Variants in SGPP2 observed in about 807,000 individuals in gnomAD.
SGPP2 encodes the protein sphingosine 1-phosphate phosphohydrolase 2.
A neutral mutation model predicts 33.9 loss-of-function variants in SGPP2; 30 were observed. The ratio of observed to expected loss-of-function variants is 0.89; its 90% confidence interval spans 0.66 to 1.20. The LOEUF (loss-of-function observed/expected upper bound fraction) is 1.20. SGPP2 is among the 50% of genes most tolerant of loss of function. The pLI is 0.00. For missense variants in SGPP2, 458 were observed against 532.1 expected (o/e 0.86, Z 1.37); for synonymous variants, 233 against 225.0 (o/e 1.04, Z -0.32).
At chr2:222,480,463 T>C (rs1343064271) in intron 2 of SGPP2, among the ~76,000 whole-genome samples, 1 of 152,240 alleles carries the variant, frequency 6.6e-6, no homozygotes, top group South Asian at 2.1e-4. Flanking sequence ...ACAGATACAA[T>C]AGAAGATGAA....
At chr2:222,424,512 G>A (rs1221864496), upstream of SGPP2, 5 of 929,886 alleles carry the variant, frequency 5.4e-6, no homozygotes, top group African/African-American at 7.1e-5. Flanking sequence ...CCGGAGTGCG[G>A]GATCGGCGGG....
intron 4 of SGPP2, among the ~76,000 whole-genome samples, chr2:222,541,433 C>A (rs1461014534): frequency 6.6e-6 from 1 of 152,088 alleles, no homozygotes; most frequent in East Asian, 1.9e-4. Context: ...TCTACAGTTC[C>A]TAATGGAATT....
intron 2 of SGPP2, among the ~76,000 whole-genome samples, chr2:222,500,372 G>C (rs1698349206): frequency 6.6e-6 from 1 of 152,148 alleles, no homozygotes; most frequent in Non-Finnish European, 1.5e-5. Flanking sequence ...CAGAAAAAAG[G>C]GAGGGAGCAA....
At chr2:222,500,255 G>A (rs961406247) in intron 2 of SGPP2, among the ~76,000 whole-genome samples, 8 of 151,898 alleles carry the variant, frequency 5.3e-5, no homozygotes, top group African/African-American at 1.9e-4. Flanking sequence ...GGGATGGAGG[G>A]GTGAGTGGGG....
At chr2:222,437,587 C>T (rs1028770206) in intron 1 of SGPP2, among the ~76,000 whole-genome samples, 6 of 152,168 alleles carry the variant, frequency 3.9e-5, no homozygotes, top group African/African-American at 1.4e-4. Context: ...GCCATTTCCT[C>T]ATGTAACTTA....
At chr2:222,437,106 T>C (rs1356758134) in intron 1 of SGPP2, among the ~76,000 whole-genome samples, 1 of 152,208 alleles carries the variant, frequency 6.6e-6, no homozygotes, top group Non-Finnish European at 1.5e-5. Flanking sequence ...AGGCCACCCA[T>C]TGGTGAGCAC....
chr2:222,487,797 CT>C (rs1234090662), intron 2 of SGPP2, among the ~76,000 whole-genome samples: 1 of 152,144 alleles, frequency 6.6e-6, no homozygotes, highest in Non-Finnish European at 1.5e-5. Flanking sequence ...TACAGAAAAT[CT>C]GCAACCGCTT....
chr2:222,553,858 CA>C (rs1689340944), intron 4 of SGPP2, among the ~76,000 whole-genome samples: 1 of 152,194 alleles, frequency 6.6e-6, no homozygotes, highest in Non-Finnish European at 1.5e-5. Context: ...CTGTCCCCCA[CA>C]AGAGAGGAGA....
At chr2:222,512,291 G>A (rs549704640) in intron 2 of SGPP2, among the ~76,000 whole-genome samples, 10 of 152,176 alleles carry the variant, frequency 6.6e-5, no homozygotes, top group Middle Eastern at 3.4e-3. Context: ...GATTACAGGC[G>A]TGAACCACCA....
At chr2:222,435,331 T>C (rs530105763) in intron 1 of SGPP2, among the ~76,000 whole-genome samples, 1 of 152,300 alleles carries the variant, frequency 6.6e-6, no homozygotes, top group East Asian at 1.9e-4. Flanking sequence ...GATTAGATTG[T>C]GCCCACTCAG....
chr2:222,462,012 G>A (rs1017385226), intron 1 of SGPP2, among the ~76,000 whole-genome samples: 3 of 152,126 alleles, frequency 2.0e-5, no homozygotes, highest in African/African-American at 4.8e-5. Context: ...CACAGCGACC[G>A]TCATGAGTCA....
chr2:222,429,979 A>G (rs979267295), intron 1 of SGPP2, among the ~76,000 whole-genome samples: 1 of 152,228 alleles, frequency 6.6e-6, no homozygotes, highest in Non-Finnish European at 1.5e-5. Flanking sequence ...GTCAACATCC[A>G]TTGATCACTA....
At chr2:222,537,250 CAAAAG>C (rs1698929430) in intron 4 of SGPP2, among the ~76,000 whole-genome samples, 2 of 152,194 alleles carry the variant, frequency 1.3e-5, no homozygotes, top group South Asian at 4.2e-4. Context: ...GAATAATCCA[CAAAAG>C]AAAAGATTAG....
intron 2 of SGPP2, among the ~76,000 whole-genome samples, chr2:222,492,359 T>G (rs1339175691): frequency 6.6e-6 from 1 of 152,228 alleles, no homozygotes; most frequent in Non-Finnish European, 1.5e-5. Flanking sequence ...TTCCCAAACC[T>G]CAGTTCTTGA....
intron 2 of SGPP2, among the ~76,000 whole-genome samples, chr2:222,511,422 G>T (rs1190333589): frequency 6.6e-6 from 1 of 152,148 alleles, no homozygotes; most frequent in Non-Finnish European, 1.5e-5. Context: ...CCATGTGGGG[G>T]CCCCTAGCCA....
At chr2:222,426,861 G>C (rs1485160151) in intron 1 of SGPP2, among the ~76,000 whole-genome samples, 1 of 152,128 alleles carries the variant, frequency 6.6e-6, no homozygotes, top group African/African-American at 2.4e-5. Flanking sequence ...GACTTTAAGG[G>C]GGCAGTTGTG....
chr2:222,554,362 T>C (rs575935114), intron 4 of SGPP2, among the ~76,000 whole-genome samples: 3 of 152,374 alleles, frequency 2.0e-5, no homozygotes, highest in South Asian at 4.1e-4. Flanking sequence ...GGCTATATCA[T>C]AGTTCAATTT....
intron 4 of SGPP2, among the ~76,000 whole-genome samples, chr2:222,534,349 A>G (rs1698882721): frequency 6.6e-6 from 1 of 152,200 alleles, no homozygotes; most frequent in African/African-American, 2.4e-5. Flanking sequence ...TTGTTCCATT[A>G]TTTTGCACCT....
intron 2 of SGPP2, among the ~76,000 whole-genome samples, chr2:222,486,809 C>A (rs558599622): frequency 6.6e-6 from 1 of 152,146 alleles, no homozygotes; most frequent in Non-Finnish European, 1.5e-5. Flanking sequence ...TCTGCTCTAA[C>A]CTTTTCCCTT....
Sources: allele counts gnomAD v4.1 joint callset (sites outside exome capture counted in the v4.1 genomes callset), GRCh38; gene constraint gnomAD v4.1.1; transcripts MANE v1.5; gene names NCBI Gene and HGNC (gene_info 2026-07-23, HGNC 2026-07-21).